Variants in GMDS observed in about 807,000 individuals in gnomAD.
GMDS encodes GDP-mannose 4,6-dehydratase.
A neutral mutation model predicts 49.9 loss-of-function variants in GMDS; 20 were observed. That is an observed-to-expected ratio of 0.40 (90% CI 0.28 to 0.58). GMDS has a LOEUF of 0.58. GMDS is among the 20% of genes least tolerant of loss of function. The pLI, the probability that GMDS is intolerant of heterozygous loss-of-function variation, is 0.42. For missense variants in GMDS, 362 were observed against 481.4 expected (o/e 0.75, Z 2.32); for synonymous variants, 177 against 178.6 (o/e 0.99, Z 0.07).
intron 4 of GMDS, among the ~76,000 whole-genome samples, chr6:2,085,041 G>A (rs377615133): frequency 5.3e-5 from 8 of 152,096 alleles, no homozygotes; most frequent in African/African-American, 1.9e-4. Flanking sequence ...CAAAGCAAAT[G>A]AAGCCTAGGA....
intron 6 of GMDS, among the ~76,000 whole-genome samples, chr6:1,937,955 C>T (rs572797762): frequency 1.5e-3 from 223 of 151,816 alleles, no homozygotes; most frequent in African/African-American, 4.9e-3. Context: ...TCACTTCAGA[C>T]GAGGAGTTTG....
chr6:1,651,008 C>T (rs966555613), intron 9 of GMDS, among the ~76,000 whole-genome samples: 2 of 152,230 alleles, frequency 1.3e-5, no homozygotes, highest in South Asian at 2.1e-4. Flanking sequence ...GCCATGTCCC[C>T]TGAGAAGGCA....
intron 4 of GMDS, among the ~76,000 whole-genome samples, chr6:2,036,025 T>C (rs543506102): frequency 1.3e-5 from 2 of 152,180 alleles, no homozygotes; most frequent in East Asian, 3.8e-4. Flanking sequence ...AGTAATCTCA[T>C]GTCGCAGGGC....
rs145208060 is a variant in GMDS at position 2,228,174 on chromosome 6, T to C, written c.102+17147A>G. Among the ~76,000 whole-genome samples, 128 of 152,360 alleles carry C rather than the reference T, an allele frequency of 8.4e-4. 3 individuals are homozygous for C. In the East Asian group the frequency reaches 0.021, roughly 25 times the overall value. On this transcript the variant is annotated intron_variant, in intron 1 of 10. Transcript: ENST00000380815. ...TCCTCTTGGATATAAAGTGCAAGCC[T>C]GTGTCACCTTCTGTGTCACTCAGGA...
chr6:1,919,605 T>G (rs1761612785), intron 7 of GMDS, among the ~76,000 whole-genome samples: 1 of 152,210 alleles, frequency 6.6e-6, no homozygotes, highest in Admixed American at 6.5e-5. Flanking sequence ...GTTTGGGGCA[T>G]ATGCAGCATA....
chr6:2,162,659 AACACACACACACAC>A lies in GMDS; in HGVS notation c.103-37942_103-37929del, dbSNP rs67198377. Among the ~76,000 whole-genome samples, 1,259 of 135,830 alleles carry A rather than the reference AACACACACACACAC, an allele frequency of 9.3e-3. 11 individuals carry two copies. The highest frequency in any genetic ancestry group is 0.023 in the Middle Eastern group (6 of 258). 89.1% of individuals were successfully genotyped at this position (135,830 alleles called of 152,430 possible). The stretch of plus-strand genomic sequence containing the variant: ...AAATATCAGGTTTTCATAACATTCC[AACACACACACACAC>A]ACACACACACACACACACACACACA... On this transcript the variant is annotated intron_variant, in intron 1 of 10. Coordinates refer to ENST00000380815, the MANE Select transcript of GMDS (RefSeq NM_001500.4).
rs1193780416 is a variant in GMDS, at chr6:2,213,920, T to TA, written c.102+31400dup. On this transcript the variant is annotated intron_variant, in intron 1 of 10. Transcript: ENST00000380815. ...AACGTCAAGATGACCTACGGAGTGT[T>TA]AATTTTTCATTTAAATATTTTCAAA... 2.6e-5 allele frequency among the ~76,000 whole-genome samples: 4 copies of TA among 152,244 alleles called. No individual in the cohort carries two copies. The South Asian group carries it at 8.3e-4, about 31-fold the overall frequency.
intron 9 of GMDS, among the ~76,000 whole-genome samples, chr6:1,651,570 T>A (rs1297968347): frequency 1.3e-5 from 2 of 152,236 alleles, no homozygotes; most frequent in East Asian, 3.9e-4. Flanking sequence ...TGGGACATAC[T>A]TGGCTCATCC....
chr6:1,842,077 G>C (rs1757175283), intron 7 of GMDS, among the ~76,000 whole-genome samples: 1 of 152,120 alleles, frequency 6.6e-6, no homozygotes, highest in African/African-American at 2.4e-5. Context: ...CATACTCACA[G>C]TTCCCTCTCA....
intron 4 of GMDS, among the ~76,000 whole-genome samples, chr6:1,983,034 T>C (rs963155821): frequency 5.9e-5 from 9 of 152,050 alleles, no homozygotes; most frequent in African/African-American, 1.2e-4. Context: ...AACAGACACA[T>C]AGACCAATGA....
At chr6:2,076,688 T>A (rs1043363151) in intron 4 of GMDS, among the ~76,000 whole-genome samples, 43 of 152,332 alleles carry the variant, frequency 2.8e-4, no homozygotes, top group Middle Eastern at 3.4e-3. Context: ...TAAATGGTGC[T>A]GGGAAAACTG....
intron 4 of GMDS, among the ~76,000 whole-genome samples, chr6:2,113,651 G>A (rs909230665): frequency 3.3e-5 from 5 of 151,716 alleles, no homozygotes; most frequent in African/African-American, 9.7e-5. Context: ...GTTCCGCCTC[G>A]CACTATCCAT....
At chr6:2,202,200 G>T (rs184711553) in intron 1 of GMDS, among the ~76,000 whole-genome samples, 2,879 of 144,362 alleles carry the variant, frequency 0.02, 50 homozygotes, top group African/African-American at 0.072. Flanking sequence ...TAACCATCTA[G>T]GCAGTGAGGG....
chr6:1,911,222 A>T (rs1447236753), intron 7 of GMDS, among the ~76,000 whole-genome samples: 4 of 152,214 alleles, frequency 2.6e-5, no homozygotes, highest in Middle Eastern at 3.2e-3. Flanking sequence ...GTCTCCAGGG[A>T]CATGCTAATG....
chr6:2,145,379 A>T lies in GMDS; in HGVS notation c.103-20648T>A, dbSNP rs974364317. Among the ~76,000 whole-genome samples the T allele has an allele frequency of 9.9e-5, 15 of 152,106 alleles. No individual in the cohort carries two copies. In the South Asian group the frequency reaches 2.3e-3, roughly 23 times the overall value. On this transcript the variant is annotated intron_variant, in intron 1 of 10. Coordinates refer to ENST00000380815, the MANE Select transcript of GMDS (RefSeq NM_001500.4). ...GTGAAACCCCATCTCTACTAAAAAA[A>T]ATATAAAAATTAGCCGGGCGTGGTG...
intron 9 of GMDS, among the ~76,000 whole-genome samples, chr6:1,687,861 C>T (rs1022331399): frequency 3.3e-5 from 5 of 151,574 alleles, no homozygotes; most frequent in Non-Finnish European, 7.4e-5. Flanking sequence ...AGGAGCTAAG[C>T]GGGGTGAGGT....
intron 7 of GMDS, among the ~76,000 whole-genome samples, chr6:1,828,504 A>G (rs1771224643): frequency 6.6e-6 from 1 of 152,352 alleles, no homozygotes; most frequent in East Asian, 1.9e-4. Context: ...CAAATTGTCA[A>G]AAGCCAAAGG....
chr6:2,233,754 C>T (rs975223261), intron 1 of GMDS, among the ~76,000 whole-genome samples: 17 of 152,088 alleles, frequency 1.1e-4, no homozygotes, highest in African/African-American at 2.2e-4. Context: ...CGGTGGGGGG[C>T]GCCGAAGTTG....
intron 7 of GMDS, among the ~76,000 whole-genome samples, chr6:1,914,204 C>T (rs1379886987): frequency 1.0e-4 from 14 of 139,234 alleles, no homozygotes; most frequent in Non-Finnish European, 2.0e-4. Context: ...CGCCTGTAAT[C>T]CCAGCACTTT....
Sources: gnomAD v4.1 joint callset for allele counts (sites outside exome capture counted in the v4.1 genomes callset) on GRCh38, gnomAD v4.1.1 for gene constraint, MANE v1.5 for transcripts, NCBI Gene and HGNC (gene_info 2026-07-23, HGNC 2026-07-21) for gene names.